ALK: variants seen among roughly 807,000 people sequenced by gnomAD.
ALK encodes the protein ALK tyrosine kinase receptor.
A neutral mutation model predicts 163.1 loss-of-function variants in ALK; 74 were observed. The ratio of observed to expected loss-of-function variants is 0.45; its 90% CI spans 0.38 to 0.55. The LOEUF (loss-of-function observed/expected upper bound fraction) is 0.55. ALK is among the 20% of genes least tolerant of loss of function. The pLI is 0.00. For synonymous variants in ALK, 960 were observed against 843.2 expected (o/e 1.14, Z -2.40); for missense variants, 2,063 against 2,105.3 (o/e 0.98, Z 0.39).
chr2:29,558,242 T>C (rs1281788901), intron 3 of ALK, among the ~76,000 whole-genome samples: 2 of 152,228 alleles, frequency 1.3e-5, no homozygotes, highest in African/African-American at 2.4e-5. Context: ...CAGAAAACTT[T>C]AGACCTGGCC....
intron 5 of ALK, among the ~76,000 whole-genome samples, chr2:29,357,479 G>C (rs1668279438): frequency 6.6e-6 from 1 of 152,194 alleles, no homozygotes; most frequent in African/African-American, 2.4e-5. Flanking sequence ...CTAGCTTCTA[G>C]AAAGGCCAGT....
chr2:29,248,609 G>T (rs1476802184), intron 12 of ALK, among the ~76,000 whole-genome samples: 1 of 152,118 alleles, frequency 6.6e-6, no homozygotes. Flanking sequence ...AGGCAAAATC[G>T]CCAGACAGTG....
At chr2:29,538,865 A>G (rs1290748539) in intron 3 of ALK, among the ~76,000 whole-genome samples, 1 of 152,184 alleles carries the variant, frequency 6.6e-6, no homozygotes, top group African/African-American at 2.4e-5. Flanking sequence ...TATCTCTTTC[A>G]TAATTCTTGA....
At chr2:29,234,117 A>G (rs562901337) in intron 13 of ALK, among the ~76,000 whole-genome samples, 2 of 152,246 alleles carry the variant, frequency 1.3e-5, no homozygotes, top group East Asian at 3.9e-4. Context: ...GAAAAGCACA[A>G]GGGTCTCTTT....
At chr2:29,685,771 T>C (rs1236511740) in intron 3 of ALK, among the ~76,000 whole-genome samples, 2 of 152,226 alleles carry the variant, frequency 1.3e-5, no homozygotes, top group Non-Finnish European at 2.9e-5. Context: ...TATTATCTTT[T>C]GGTTCTGCAG....
At chr2:29,275,533 C>T (rs758431320) in intron 9 of ALK, 37 bp from the exon 10 acceptor site, 1 of 1,605,752 alleles carries the variant, frequency 6.2e-7, no homozygotes, top group Non-Finnish European at 8.5e-7. Flanking sequence ...GAGGAGCAAA[C>T]TGGGGGGTCT....
At chr2:29,495,473 G>A (rs1362731652) in intron 4 of ALK, among the ~76,000 whole-genome samples, 1 of 152,106 alleles carries the variant, frequency 6.6e-6, no homozygotes, top group African/African-American at 2.4e-5. Context: ...TCCCCACTGA[G>A]GACTGGGCTA....
In ALK at chr2:29,920,451, T is replaced by C. The variant is rs760987652; in HGVS notation, c.209A>G (p.Asp70Gly). 5 of 1,610,964 alleles carry C rather than the reference T, an allele frequency of 3.1e-6. No homozygotes were observed. Among genetic ancestry groups the C allele is most frequent in the South Asian group, 2.2e-5 (2 of 90,458 alleles). The change falls in exon 1 of 29, where the codon GAC becomes GGC. Residue 70 changes from aspartate to glycine, a missense_variant. Asp to Gly is a moderately conservative substitution (Grantham distance 94). Transcript: ENST00000389048. ...VPSLFRVYAR[D>G]LLLPPSSSEL... ...CGAGGAGGATGGTGGCAGCAGTAGG[T>C]CCCGGGCGTAGACACGGAAGAGCGA...
rs376644900 is a variant in ALK, at chr2:29,318,397, A to G, written c.1554T>C (p.Ala518=). The part of the protein sequence containing the change: ...DARFQDHQDH[A]LLLSTTDVPA... ...GGACATCAGTGGTACTGAGCAATAG[A>G]GCATGGTCTAGGAGAGAGGAAAAGA... The change falls in exon 8 of 29, where the codon GCT becomes GCC. Residue 518 remains alanine (A), a synonymous_variant. Transcript: ENST00000389048. 7.4e-6 allele frequency: 12 copies of G among 1,611,050 alleles called. No individual in the cohort carries two copies. Among genetic ancestry groups the G allele is most frequent in the East Asian group, 2.2e-5 (1 of 44,872 alleles).
chr2:29,288,281 T>G (rs1665912521), intron 9 of ALK, among the ~76,000 whole-genome samples: 1 of 152,216 alleles, frequency 6.6e-6, no homozygotes, highest in African/African-American at 2.4e-5. Flanking sequence ...TTAGGCTCAT[T>G]GACCGGGTTT....
intron 1 of ALK, among the ~76,000 whole-genome samples, chr2:29,787,606 A>AT (rs1166290164): frequency 6.6e-6 from 1 of 152,180 alleles, no homozygotes; most frequent in African/African-American, 2.4e-5. Flanking sequence ...GAGCTGATAC[A>AT]TTCGTGGGTC....
At chr2:29,257,110 C>T (rs2148202459) in intron 11 of ALK, among the ~76,000 whole-genome samples, 1 of 152,064 alleles carries the variant, frequency 6.6e-6, no homozygotes, top group Middle Eastern at 3.4e-3. Flanking sequence ...TCTCTGAAGC[C>T]CTATGGAGCT....
At chr2:29,415,941 G>A (rs926571810) in intron 4 of ALK, among the ~76,000 whole-genome samples, 1 of 152,070 alleles carries the variant, frequency 6.6e-6, no homozygotes, top group South Asian at 2.1e-4. Flanking sequence ...CCCCTACCCC[G>A]GCTGTATTTC....
At chr2:29,243,334 G>A (rs1246544444) in intron 12 of ALK, among the ~76,000 whole-genome samples, 1 of 152,220 alleles carries the variant, frequency 6.6e-6, no homozygotes, top group African/African-American at 2.4e-5. Context: ...GACCTTGGGT[G>A]ATTATTTACC....
At chr2:29,526,728 C>T (rs1156583858) in intron 4 of ALK, among the ~76,000 whole-genome samples, 1 of 152,206 alleles carries the variant, frequency 6.6e-6, no homozygotes. Flanking sequence ...ACCATGGAGG[C>T]TGAATGCCAC....
At chr2:29,915,968 A>G (rs1268861495) in intron 1 of ALK, among the ~76,000 whole-genome samples, 1 of 152,262 alleles carries the variant, frequency 6.6e-6, no homozygotes. Flanking sequence ...AACTTCAAAG[A>G]TGTATATGCA....
chr2:29,920,173 C>T lies in ALK; in HGVS notation c.487G>A (p.Val163Met), dbSNP rs55697431. Reference sequence around the variant, plus strand: ...CTGAGATTGAACTGGAGCAGCCCCACAGCCGCCTCCCCGGGGGGCCCGACG... The same window carrying T: ...CTGAGATTGAACTGGAGCAGCCCCATAGCCGCCTCCCCGGGGGGCCCGACG... ...GCVGPPGEAA[V>M]GLLQFNLSEL... Residue 163 changes from valine (V) to methionine (M), a missense_variant, in exon 1 of 29, where the codon GTG becomes ATG. Physicochemically the swap from Val to Met is conservative, Grantham distance 21 (BLOSUM62 1). Coordinates refer to ENST00000389048, the MANE Select transcript of ALK (RefSeq NM_004304.5). The T allele has an allele frequency of 6.2e-7, 1 of 1,613,480 alleles. No homozygotes were observed. The highest frequency in any genetic ancestry group is 8.5e-7 in the Non-Finnish European group (1 of 1,180,018).
chr2:29,482,163 G>C (rs1671677836), intron 4 of ALK, among the ~76,000 whole-genome samples: 1 of 152,292 alleles, frequency 6.6e-6, no homozygotes, highest in Non-Finnish European at 1.5e-5. Context: ...AACCCTAGTA[G>C]CATTGGAGCC....
chr2:29,733,366 A>G (rs896099900), intron 1 of ALK, among the ~76,000 whole-genome samples: 1 of 152,196 alleles, frequency 6.6e-6, no homozygotes, highest in Non-Finnish European at 1.5e-5. Context: ...TTAAGGGAAA[A>G]GGAGGCCAGA....
Sources: allele counts gnomAD v4.1 joint callset (sites outside exome capture counted in the v4.1 genomes callset), GRCh38; gene constraint gnomAD v4.1.1; transcripts MANE v1.5; gene names NCBI Gene and HGNC (gene_info 2026-07-23, HGNC 2026-07-21).